DNAH8: variants seen among roughly 807,000 people sequenced by gnomAD.
The protein encoded by DNAH8 is dynein axonemal heavy chain 8.
DNAH8 carries 382 observed loss-of-function variants against 562.1 expected under a neutral mutation model. The observed-to-expected ratio is 0.68, with a 90% CI of 0.63 to 0.74. The LOEUF (loss-of-function observed/expected upper bound fraction) is 0.74, where lower values mean the gene tolerates loss of function less well. Among genes scored for constraint, DNAH8 ranks in the 30% least tolerant of loss-of-function variants. The pLI, the probability that DNAH8 is intolerant of heterozygous loss-of-function variation, is 0.00. For synonymous variants in DNAH8, 1,881 were observed against 1,919.4 expected, an observed-to-expected ratio of 0.98 and a Z score of 0.52; for missense variants, 5,203 against 5,620.4, an observed-to-expected ratio of 0.93 and a Z score of 2.37.
At chr6:38,770,186 A>G (rs1767421416) in intron 11 of DNAH8, among the ~76,000 whole-genome samples, 1 of 152,182 alleles carries the variant, frequency 6.6e-6, no homozygotes, top group Non-Finnish European at 1.5e-5. Flanking sequence ...AAAATGTAAA[A>G]ACAAATAGTA....
chr6:38,834,475 T>TA (rs1583137878), intron 31 of DNAH8, 104 bp from the exon 32 acceptor site: 4 of 747,026 alleles, frequency 5.4e-6, no homozygotes, highest in East Asian at 2.8e-5. Flanking sequence ...TAATTTAAAT[T>TA]AAAAAAATGC....
At chr6:38,978,971 A>G (rs780565169) in intron 85 of DNAH8, among the ~76,000 whole-genome samples, 1 of 152,228 alleles carries the variant, frequency 6.6e-6, no homozygotes. Context: ...ATGAAGTTTT[A>G]ACATTCAAAT....
Position 39,012,464 on chromosome 6 carries a change from TG to T in DNAH8, c.13543del (p.Asp4515ThrfsTer50). On this transcript the variant is annotated frameshift_variant, in exon 91 of 93. Transcript: ENST00000327475. LOFTEE classifies it high-confidence loss of function. ...IIMSENLRDALDNMYDARIPQ... is the reference protein window; with the variant it reads ...IIMSENLRDAXDNMYDARIPQ... ...CTTCTCCAGAATCTGAGAGATGCTC[TG>T]GACAACATGTATGATGCTCGTATAC... The T allele has an allele frequency of 6.2e-7, 1 of 1,613,830 alleles. No individual in the cohort carries two copies. Among genetic ancestry groups the T allele is most frequent in the Non-Finnish European group, 8.5e-7 (1 of 1,179,728 alleles).
Position 38,886,896 on chromosome 6 carries a change from A to G in DNAH8, c.8365A>G (p.Met2789Val), listed in dbSNP as rs752892989. Reference sequence around the variant, plus strand: ...TGTTGATGTGCAGCTCATAGCAGCAATGATCCACCCTGGAGGTGGTCGAAA... The same window carrying G: ...TGTTGATGTGCAGCTCATAGCAGCAGTGATCCACCCTGGAGGTGGTCGAAA... ...TIVDVQLIAA[M>V]IHPGGGRNDI... Residue 2789 changes from methionine to valine, a missense_variant, in exon 57 of 93, where the codon ATG becomes GTG. By Grantham distance (21) the Met-to-Val change is conservative. Around this residue, in one of 6 missense-constraint regions of DNAH8, gnomAD observed 977 missense variants for 1,061.8 expected, o/e 0.92. Transcript: ENST00000327475. The G allele has an allele frequency of 2.5e-6, 4 of 1,613,856 alleles. No individual in the cohort carries two copies. Among genetic ancestry groups the G allele is most frequent in the Non-Finnish European group, 2.5e-6 (3 of 1,179,830 alleles).
At chr6:39,021,297 T>G (rs562710530) in intron 91 of DNAH8, among the ~76,000 whole-genome samples, 13 of 152,226 alleles carry the variant, frequency 8.5e-5, no homozygotes, top group Non-Finnish European at 1.5e-5. Flanking sequence ...GGCCCCACTC[T>G]TGATCTACCT....
Position 38,866,639 on chromosome 6 carries a change from C to T in DNAH8, c.6547C>T (p.Gln2183Ter). The stretch of plus-strand genomic sequence containing the variant: ...GGAACTACCAGAAAACCTAAAAATC[C>T]AGTTTAGAACTGTTGCTATGATGGT... ...RQELPENLKI[Q>*]FRTVAMMVPD... The change falls in exon 46 of 93, where the codon CAG (glutamine) becomes TAG (stop). Residue 2183 changes from glutamine to a stop codon, truncating the protein, a stop_gained. Coordinates refer to ENST00000327475, the MANE Select transcript of DNAH8 (RefSeq NM_001206927.2). LOFTEE classifies it high-confidence loss of function. 2 of 1,611,544 alleles carry T rather than the reference C, an allele frequency of 1.2e-6. No individual in the cohort carries two copies. The highest frequency in any genetic ancestry group is 1.7e-6 in the Non-Finnish European group (2 of 1,179,096).
Position 38,908,094 on chromosome 6 carries a change from T to C in DNAH8, c.9487T>C (p.Leu3163=). 6.3e-7 allele frequency: 1 copy of C among 1,588,116 alleles called. No homozygotes were observed. The highest frequency in any genetic ancestry group is 1.8e-5 in the Admixed American group (1 of 56,172). ...EYFISRSRKN[L]HVVLCFSPVG... Reference sequence around the variant, plus strand: ...CTTCATTTCAAGATCAAGGAAGAACTTACATGTTGTTCTCTGCTTTTCTCC... The same window carrying C: ...CTTCATTTCAAGATCAAGGAAGAACCTACATGTTGTTCTCTGCTTTTCTCC... Residue 3163 remains leucine (L), a synonymous_variant, in exon 64 of 93, where the codon TTA becomes CTA. Transcript: ENST00000327475.
chr6:38,949,646 T>C (rs1761722289), intron 81 of DNAH8, 76 bp downstream of exon 81: 1 of 868,612 alleles, frequency 1.2e-6, no homozygotes, highest in African/African-American at 1.7e-5. Flanking sequence ...TCAGTGAGTT[T>C]ACTTCACTAT....
intron 52 of DNAH8, among the ~76,000 whole-genome samples, chr6:38,874,516 C>T (rs528019959): frequency 6.6e-6 from 1 of 151,306 alleles, no homozygotes; most frequent in East Asian, 1.9e-4. Flanking sequence ...GCTACAGGCA[C>T]ACACCACCAT....
intron 66 of DNAH8, among the ~76,000 whole-genome samples, chr6:38,913,096 G>A (rs759036342): frequency 2.0e-4 from 30 of 152,292 alleles, no homozygotes; most frequent in Middle Eastern, 3.4e-3. Flanking sequence ...GTGAGCCACC[G>A]TACCCGGCCT....
rs1768588446 is a variant in DNAH8, at chr6:38,781,347, A to G, written c.2233A>G (p.Ile745Val). ...CTGGGTGAGGCAGCTCTATCGCCGG[A>G]TAAGTGAGCCCATCAATTATTTCTT... Reference protein sequence around the residue: ...ILWVRQLYRRISEPINYFFKN... With the variant: ...ILWVRQLYRRVSEPINYFFKN... The change falls in exon 16 of 93, where the codon ATA becomes GTA. Residue 745 changes from isoleucine to valine, a missense_variant. Ile to Val is a conservative substitution (Grantham distance 29, BLOSUM62 3). Around this residue, in one of 6 missense-constraint regions of DNAH8, gnomAD observed 2,176 missense variants for 2,365.1 expected, o/e 0.92. Transcript: ENST00000327475. The G allele has an allele frequency of 6.2e-7, 1 of 1,613,602 alleles. No homozygotes were observed. The highest frequency in any genetic ancestry group is 1.3e-5 in the African/African-American group (1 of 74,914).
At chr6:38,961,836 T>C (rs538771027) in intron 82 of DNAH8, among the ~76,000 whole-genome samples, 2 of 152,078 alleles carry the variant, frequency 1.3e-5, no homozygotes, top group African/African-American at 2.4e-5. Flanking sequence ...ATATGGCTAA[T>C]GTATTGAAAG....
At chr6:38,990,459 C>G (rs918482834) in intron 88 of DNAH8, among the ~76,000 whole-genome samples, 9 of 152,188 alleles carry the variant, frequency 5.9e-5, no homozygotes, top group Non-Finnish European at 1.2e-4. Context: ...TTAGTGGTAG[C>G]AGTGCTCTCC....
chr6:38,794,877 T>G (rs1246628423), intron 21 of DNAH8, among the ~76,000 whole-genome samples: 3 of 151,904 alleles, frequency 2.0e-5, no homozygotes, highest in East Asian at 3.9e-4. Flanking sequence ...AATTTTTTTT[T>G]GTGGACTTAA....
intron 82 of DNAH8, among the ~76,000 whole-genome samples, chr6:38,959,541 C>T (rs545749132): frequency 1.3e-5 from 2 of 151,802 alleles, no homozygotes; most frequent in Middle Eastern, 3.4e-3. Context: ...AATAAAATAC[C>T]TAGGAGTAAA....
chr6:38,966,388 A>C (rs1193102591), intron 82 of DNAH8, among the ~76,000 whole-genome samples: 3 of 152,230 alleles, frequency 2.0e-5, no homozygotes, highest in African/African-American at 7.2e-5. Context: ...AGATGGCTTC[A>C]TTGGTGAATT....
Position 38,896,117 on chromosome 6 carries a change from G to A in DNAH8, c.8832G>A (p.Ser2944=), listed in dbSNP as rs748123661. Residue 2944 remains serine, a synonymous_variant, in exon 60 of 93, where the codon TCG becomes TCA. Transcript: ENST00000327475. Reference sequence around the variant, plus strand: ...AAAATATTGGCTCTGATGCAGCGTCGTGTATTCTTCCTGAACCATACTTTG... The same window carrying A: ...AAAATATTGGCTCTGATGCAGCGTCATGTATTCTTCCTGAACCATACTTTG... The part of the protein sequence containing the change: ...VEENIGSDAA[S]CILPEPYFVD... 2.1e-5 allele frequency: 34 copies of A among 1,613,864 alleles called. No homozygotes were observed. The Admixed American group carries it at 2.3e-4, about 11-fold the overall frequency.
At chr6:38,969,978 G>A (rs1763227725) in intron 82 of DNAH8, among the ~76,000 whole-genome samples, 2 of 152,118 alleles carry the variant, frequency 1.3e-5, no homozygotes. Flanking sequence ...ATCTAGGCAA[G>A]AGGTGGCGGT....
chr6:38,987,565 T>C (rs192157798), intron 87 of DNAH8, among the ~76,000 whole-genome samples: 150 of 152,324 alleles, frequency 9.8e-4, no homozygotes, highest in African/African-American at 3.5e-3. Context: ...CTGGACTCCA[T>C]TCTCAGCAAT....
Sources: allele counts gnomAD v4.1 joint callset (sites outside exome capture counted in the v4.1 genomes callset), GRCh38; gene constraint gnomAD v4.1.1; regional missense constraint gnomAD v4.1.1; transcripts MANE v1.5; gene names NCBI Gene and HGNC (gene_info 2026-07-23, HGNC 2026-07-21).